FBLN1: variants seen among roughly 807,000 people sequenced by gnomAD.
FBLN1 encodes the protein fibulin 1.
Under a neutral mutation model 89.7 loss-of-function variants are expected in FBLN1, and 34 were observed. The ratio of observed to expected loss-of-function variants is 0.38; its 90% CI spans 0.29 to 0.50. FBLN1 has a LOEUF of 0.50. Ranked by LOEUF, FBLN1 falls within the 20% of genes least tolerant of loss-of-function variation. The pLI is 0.92. For synonymous variants in FBLN1, 393 were observed against 391.3 expected, an observed-to-expected ratio of 1.00 and a Z score of -0.05; for missense variants, 777 against 988.1, an observed-to-expected ratio of 0.79 and a Z score of 2.86.
At chr22:45,541,097 T>A (rs536208855) in intron 8 of FBLN1, 132 bp from the exon 9 acceptor site, 1 of 1,161,612 alleles carries the variant, frequency 8.6e-7, no homozygotes, top group Admixed American at 1.7e-5. Flanking sequence ...TGGTCCAGAG[T>A]GAGGGGGTTG....
chr22:45,527,773 C>A, intron 3 of FBLN1, 74 bp from the exon 4 acceptor site: 1 of 1,511,900 alleles, frequency 6.6e-7, no homozygotes, highest in Non-Finnish European at 9.1e-7. Flanking sequence ...GAGAGGCCTC[C>A]CCTGAGGCCT....
chr22:45,586,732 G>T (rs1015393908), intron 16 of FBLN1, among the ~76,000 whole-genome samples: 2 of 152,212 alleles, frequency 1.3e-5, no homozygotes, highest in African/African-American at 4.8e-5. Context: ...AGGTGGTGGG[G>T]GGTAAGCAGG....
intron 1 of FBLN1, among the ~76,000 whole-genome samples, chr22:45,504,153 G>C (rs976539874): frequency 5.7e-4 from 85 of 150,374 alleles, no homozygotes; most frequent in Admixed American, 1.9e-3. Flanking sequence ...GCCTTTGTTA[G>C]TCAAAAGGTC....
chr22:45,512,436 C>G (rs369063625), intron 1 of FBLN1, among the ~76,000 whole-genome samples: 7 of 152,028 alleles, frequency 4.6e-5, no homozygotes, highest in African/African-American at 1.7e-4. Context: ...CCCAGCCTGG[C>G]CGAGAGTCCT....
chr22:45,543,596 G>A, intron 11 of FBLN1, 70 bp downstream of exon 11: 1 of 1,571,476 alleles, frequency 6.4e-7, no homozygotes, highest in Non-Finnish European at 8.6e-7. Context: ...CCCTTCTGCA[G>A]ACCGGTTTGC....
At position 45,503,058 on chromosome 22, in the gene FBLN1, G is replaced by A; in HGVS notation, c.73G>A (p.Ala25Thr). 8.0e-7 allele frequency: 1 copy of A among 1,246,800 alleles called. No individual in the cohort carries two copies. The allele number at this position is 1,246,800 out of a possible 1,614,324, so 77.2% of individuals were successfully genotyped here. A position where few individuals can be genotyped will look rare whatever the true frequency, so the allele number is the denominator to read the frequency against. Reference sequence around the variant, plus strand: ...GCTCGGCGGCCTTGCGCTGCTGGCGGCCGGAGGTAGGGGCGTCCCGGGTCC... The same window carrying A: ...GCTCGGCGGCCTTGCGCTGCTGGCGACCGGAGGTAGGGGCGTCCCGGGTCC... ...LLLGGLALLA[A>T]GVDADVLLEA... is the part of the protein sequence containing the mutation. The change falls in exon 1 of 17, where the codon GCC becomes ACC. Residue 25 changes from alanine (A) to threonine (T), a missense_variant. By Grantham distance (58) the Ala-to-Thr change is moderately conservative. Transcript: ENST00000327858.
Position 45,563,088 on chromosome 22 carries a change from A to G in FBLN1, c.1698-11423A>G. 6.2e-7 allele frequency: 1 copy of G among 1,613,326 alleles called. No homozygotes were observed. Among genetic ancestry groups the G allele is most frequent in the Non-Finnish European group, 8.5e-7 (1 of 1,179,960 alleles). On this transcript the variant is annotated intron_variant, in intron 14 of 16. Coordinates refer to ENST00000327858, the MANE Select transcript of FBLN1 (RefSeq NM_006486.3). This position sits in a 1 kb window ranked among gnomAD's most constrained non-coding sequence, Gnocchi z 5.7. The stretch of plus-strand genomic sequence containing the variant: ...ATGCAGCTGGCCATCACCGGCGGCA[A>G]TGAGGAGGGCTTTTTCACCACCCGG...
Position 45,541,320 on chromosome 22 carries a change from G to T in FBLN1, c.1014G>T (p.Val338=). Residue 338 remains valine (V), a synonymous_variant, in exon 9 of 17, where the codon GTG becomes GTT. Transcript: ENST00000327858. ...GCTCCTACACGTGCCAGAAGAACGTGCCCAACTGTGGCCGTGGCTACCATC... is the reference window on the plus strand; with the variant it reads ...GCTCCTACACGTGCCAGAAGAACGTTCCCAACTGTGGCCGTGGCTACCATC... ...TEGSYTCQKN[V]PNCGRGYHLN... 1 of 1,614,270 alleles carries T rather than the reference G, an allele frequency of 6.2e-7. No homozygotes were observed.
chr22:45,530,718 G>A lies in FBLN1; in HGVS notation c.485-547G>A, dbSNP rs118108454. Among the ~76,000 whole-genome samples, 226 of 152,236 alleles carry A rather than the reference G, an allele frequency of 1.5e-3. 6 individuals carry two copies. The East Asian group carries it at 0.041, about 28-fold the overall frequency. ...GGACTATGGGAATATCACCCAGCAT[G>A]AAGTCAATGATTACAGGCCTTTGTG... On this transcript the variant is annotated intron_variant, in intron 4 of 16. Coordinates refer to ENST00000327858, the MANE Select transcript of FBLN1 (RefSeq NM_006486.3). This position sits in a 1 kb window ranked among gnomAD's most constrained non-coding sequence, Gnocchi z 5.4.
At chr22:45,589,023 C>T (rs2146660412) in intron 16 of FBLN1, among the ~76,000 whole-genome samples, 1 of 150,300 alleles carries the variant, frequency 6.7e-6, no homozygotes, top group South Asian at 2.1e-4. Flanking sequence ...CCGCGTGGCC[C>T]TTGTGGTGTG....
chr22:45,574,824 C>T lies in FBLN1; in HGVS notation c.1840+171C>T, dbSNP rs750996856. 1.0e-4 allele frequency among the ~76,000 whole-genome samples: 15 copies of T among 150,234 alleles called. No individual in the cohort carries two copies. The highest frequency in any genetic ancestry group is 2.9e-4 in the African/African-American group (12 of 40,746). On this transcript the variant is annotated intron_variant, in intron 15 of 16. Coordinates refer to ENST00000327858, the MANE Select transcript of FBLN1 (RefSeq NM_006486.3). This position sits in a 1 kb window ranked among gnomAD's most constrained non-coding sequence, Gnocchi z 4.1. Reference sequence around the variant, plus strand: ...TGAGACGGAGTCTCGCTCTGTCGCCCGGGCTGGAGTGCAGTGGTGCCATCT... The same window carrying T: ...TGAGACGGAGTCTCGCTCTGTCGCCTGGGCTGGAGTGCAGTGGTGCCATCT...
At chr22:45,565,507 A>G in intron 14 of FBLN1, 2 of 299,220 alleles carry the variant, frequency 6.7e-6, no homozygotes, top group Non-Finnish European at 1.3e-5. Context: ...AGTTAGCCTG[A>G]GCTCCCCTGG....
chr22:45,569,910 A>G (rs1339480524), intron 14 of FBLN1, among the ~76,000 whole-genome samples: 1 of 152,232 alleles, frequency 6.6e-6, no homozygotes, highest in African/African-American at 2.4e-5. Flanking sequence ...AAAAAAGAGA[A>G]TAAGAGACAG....
intron 1 of FBLN1, among the ~76,000 whole-genome samples, chr22:45,511,427 T>A (rs6007069): frequency 0.076 from 11,414 of 150,064 alleles, 517 homozygotes; most frequent in African/African-American, 0.097. Context: ...GTGCTGGGAT[T>A]ACAGGCATGA....
chr22:45,577,695 C>T lies in FBLN1; in HGVS notation c.1972+587C>T, dbSNP rs2089009518. Among the ~76,000 whole-genome samples the T allele has an allele frequency of 6.6e-6, 1 of 152,208 alleles. No homozygotes were observed. Among genetic ancestry groups the T allele is most frequent in the Non-Finnish European group, 1.5e-5 (1 of 68,040 alleles). On this transcript the variant is annotated intron_variant, in intron 16 of 16. Coordinates refer to ENST00000327858, the MANE Select transcript of FBLN1 (RefSeq NM_006486.3). This position sits in a 1 kb window ranked among gnomAD's most constrained non-coding sequence, Gnocchi z 6.6. ...CTGAATGGGGAGCTCACTGCTCTTT[C>T]TCCCTGGAGATCCGGTGTTTGGGGA... is the stretch of plus-strand genomic sequence containing the variant.
chr22:45,523,447 A>G (rs1455370594), intron 2 of FBLN1, among the ~76,000 whole-genome samples: 1 of 152,220 alleles, frequency 6.6e-6, no homozygotes, highest in African/African-American at 2.4e-5. Context: ...TCACGCCTAT[A>G]ATCCCACCAC....
chr22:45,533,750 G>A lies in FBLN1; in HGVS notation c.647-11G>A, dbSNP rs1197816421. ...TGCTGGTCACCCCCGCACTGCCTCG[G>A]TCTCTCCTAGATGTCAATGAATGCA... On this transcript the variant is annotated splice_polypyrimidine_tract_variant and intron_variant, in intron 6 of 16. Coordinates refer to ENST00000327858, the MANE Select transcript of FBLN1 (RefSeq NM_006486.3). The A allele has an allele frequency of 4.3e-6, 7 of 1,610,328 alleles. No individual in the cohort carries two copies. Among genetic ancestry groups the A allele is most frequent in the Non-Finnish European group, 4.2e-6 (5 of 1,179,948 alleles).
chr22:45,553,464 C>T (rs988261138), intron 14 of FBLN1, among the ~76,000 whole-genome samples: 3 of 152,220 alleles, frequency 2.0e-5, no homozygotes, highest in Non-Finnish European at 4.4e-5. Flanking sequence ...GACCTAGACA[C>T]ACTGGCTAAA....
chr22:45,526,241 G>A (rs942021754), intron 3 of FBLN1, among the ~76,000 whole-genome samples: 19 of 152,230 alleles, frequency 1.2e-4, no homozygotes, highest in African/African-American at 4.3e-4. Flanking sequence ...TGCCCTGAAG[G>A]TAAGCTGTGA....
Sources: gnomAD v4.1 joint callset for allele counts (sites outside exome capture counted in the v4.1 genomes callset) on GRCh38, gnomAD v4.1.1 for gene constraint, Gnocchi (gnomAD v3.1) non-coding constraint, MANE v1.5 for transcripts, NCBI Gene and HGNC (gene_info 2026-07-23, HGNC 2026-07-21) for gene names.